DNAJC1: variants seen among roughly 807,000 people sequenced by gnomAD.
DNAJC1 encodes DnaJ heat shock protein family (Hsp40) member C1, also known as dnaJ homolog subfamily C member 1.
DNAJC1 carries 58 observed loss-of-function variants against 76.6 expected under a neutral mutation model. The ratio of observed to expected loss-of-function variants is 0.76; its 90% CI spans 0.61 to 0.94. The LOEUF is 0.94. Ranked by LOEUF, DNAJC1 falls within the 40% of genes least tolerant of loss-of-function variation. The pLI is 0.00. For synonymous variants in DNAJC1, 258 were observed against 267.9 expected (o/e 0.96, Z 0.36); for missense variants, 689 against 677.3 (o/e 1.02, Z -0.19).
chr10:21,800,365 A>C (rs774292107), intron 9 of DNAJC1, among the ~76,000 whole-genome samples: 2 of 152,180 alleles, frequency 1.3e-5, no homozygotes, highest in Non-Finnish European at 2.9e-5. Flanking sequence ...CCAATTTCAG[A>C]GCCCTCAGAG....
At chr10:21,937,142 T>C (rs1354311268) in intron 1 of DNAJC1, among the ~76,000 whole-genome samples, 1 of 152,134 alleles carries the variant, frequency 6.6e-6, no homozygotes, top group African/African-American at 2.4e-5. Context: ...AATGATGCTA[T>C]TTAAAGACTT....
At chr10:21,892,942 C>T (rs770838997) in intron 7 of DNAJC1, among the ~76,000 whole-genome samples, 51 of 152,010 alleles carry the variant, frequency 3.4e-4, no homozygotes, top group Non-Finnish European at 6.2e-4. Context: ...AAGTCCAATA[C>T]CCCCTCTCAA....
At chr10:21,908,084 TATATATAAAATATATATA>T (rs1386821517) in intron 6 of DNAJC1, among the ~76,000 whole-genome samples, 63 of 112,308 alleles carry the variant, frequency 5.6e-4, no homozygotes, top group Admixed American at 1.0e-3. Flanking sequence ...AAATATATAT[TATATATAAAATATATATA>T]ATATATAAAA....
intron 8 of DNAJC1, among the ~76,000 whole-genome samples, chr10:21,838,882 G>T (rs1173856407): frequency 3.9e-5 from 6 of 152,138 alleles, no homozygotes; most frequent in Non-Finnish European, 8.8e-5. Context: ...TAAAAGAAAA[G>T]AAATTATAAC....
chr10:21,779,344 C>A (rs1642055078), intron 9 of DNAJC1, among the ~76,000 whole-genome samples: 1 of 152,210 alleles, frequency 6.6e-6, no homozygotes, highest in Admixed American at 6.5e-5. Context: ...GAGGCACCTC[C>A]CAGTAGGGGC....
intron 3 of DNAJC1, among the ~76,000 whole-genome samples, chr10:21,924,861 T>C (rs2131775420): frequency 6.6e-6 from 1 of 152,334 alleles, no homozygotes; most frequent in South Asian, 2.1e-4. Flanking sequence ...CAAACCTGTA[T>C]AGCATGTTGC....
At chr10:21,864,508 G>T (rs1264473638) in intron 8 of DNAJC1, among the ~76,000 whole-genome samples, 1 of 152,002 alleles carries the variant, frequency 6.6e-6, no homozygotes, top group Non-Finnish European at 1.5e-5. Context: ...TGTAGTCCCA[G>T]CTACTCGGCA....
At chr10:21,833,221 C>A (rs1368973958) in intron 8 of DNAJC1, among the ~76,000 whole-genome samples, 1 of 152,186 alleles carries the variant, frequency 6.6e-6, no homozygotes, top group Non-Finnish European at 1.5e-5. Flanking sequence ...CCTCTAATCC[C>A]AGCACTTTGG....
intron 9 of DNAJC1, among the ~76,000 whole-genome samples, chr10:21,779,303 T>C (rs577650467): frequency 6.6e-6 from 1 of 152,172 alleles, no homozygotes; most frequent in Non-Finnish European, 1.5e-5. Context: ...CCTCCTCAAG[T>C]GAGTCCCTGA....
At chr10:21,809,772 A>G (rs10828266) in intron 8 of DNAJC1, among the ~76,000 whole-genome samples, 111,607 of 151,936 alleles carry the variant, frequency 0.73, 41,328 homozygotes, top group East Asian at 0.98. Context: ...AAATGGAGGC[A>G]TGCCCTTGAC....
chr10:21,943,511 A>G (rs1311059918), intron 1 of DNAJC1, among the ~76,000 whole-genome samples: 1 of 152,176 alleles, frequency 6.6e-6, no homozygotes, highest in Non-Finnish European at 1.5e-5. Flanking sequence ...CTCATCTGAA[A>G]GCTCAGCCCA....
In DNAJC1 at chr10:21,756,729, C is replaced by A. The variant is rs142094831; in HGVS notation, c.1623G>T (p.Leu541Phe). 6.2e-7 allele frequency: 1 copy of A among 1,613,732 alleles called. No individual in the cohort carries two copies. Among genetic ancestry groups the A allele is most frequent in the Non-Finnish European group, 8.5e-7 (1 of 1,179,972 alleles). The change falls in exon 12 of 12, where the codon TTG becomes TTT. Residue 541 changes from leucine (L) to phenylalanine (F), a missense_variant. Leu to Phe is a conservative substitution (Grantham distance 22). Coordinates refer to ENST00000376980, the MANE Select transcript of DNAJC1 (RefSeq NM_022365.4). ...SKEDCIARYK[L>F]LVELVQKKKQ... ...TTTTCTTTTGGACCAGTTCAACCAGCAACTTGTACCTAGCGATACAGTCTT... is the reference window on the plus strand; with the variant it reads ...TTTTCTTTTGGACCAGTTCAACCAGAAACTTGTACCTAGCGATACAGTCTT...
intron 8 of DNAJC1, among the ~76,000 whole-genome samples, chr10:21,835,699 T>C (rs1289865570): frequency 6.6e-6 from 1 of 152,070 alleles, no homozygotes; most frequent in Non-Finnish European, 1.5e-5. Context: ...CAGTAGCCGA[T>C]GCGATCAACT....
intron 7 of DNAJC1, among the ~76,000 whole-genome samples, chr10:21,887,959 G>A (rs1035829027): frequency 9.2e-5 from 14 of 152,050 alleles, no homozygotes; most frequent in African/African-American, 3.4e-4. Flanking sequence ...CCTACAGAAT[G>A]GGAGAAAATT....
intron 8 of DNAJC1, among the ~76,000 whole-genome samples, chr10:21,835,942 C>A (rs192905546): frequency 6.6e-6 from 1 of 152,180 alleles, no homozygotes; most frequent in Non-Finnish European, 1.5e-5. Context: ...TCTAGCAAGG[C>A]AGGCCACCAT....
At chr10:21,945,623 G>C (rs1216862606) in intron 1 of DNAJC1, among the ~76,000 whole-genome samples, 1 of 152,148 alleles carries the variant, frequency 6.6e-6, no homozygotes, top group South Asian at 2.1e-4. Context: ...GTTGTAAGAT[G>C]AAAGTATTTG....
intron 8 of DNAJC1, among the ~76,000 whole-genome samples, chr10:21,878,865 T>A (rs1836226675): frequency 6.6e-6 from 1 of 151,862 alleles, no homozygotes; most frequent in Non-Finnish European, 1.5e-5. Flanking sequence ...CACAGAAAAA[T>A]TATTCATTAT....
At chr10:21,882,538 AAATAT>A (rs1450706040) in intron 7 of DNAJC1, 99 bp from the exon 8 acceptor site, 2 of 774,228 alleles carry the variant, frequency 2.6e-6, no homozygotes, top group Non-Finnish European at 3.8e-6. Flanking sequence ...GAAAACATCA[AAATAT>A]AATTGTTCTG....
chr10:21,788,142 C>A (rs1046252030), intron 9 of DNAJC1, among the ~76,000 whole-genome samples: 2 of 152,242 alleles, frequency 1.3e-5, no homozygotes, highest in East Asian at 1.9e-4. Context: ...AGCACCATTT[C>A]TCCCTCCAGA....
Sources: allele counts gnomAD v4.1 joint callset (sites outside exome capture counted in the v4.1 genomes callset), GRCh38; gene constraint gnomAD v4.1.1; transcripts MANE v1.5; gene names NCBI Gene and HGNC (gene_info 2026-07-23, HGNC 2026-07-21).